Variants in EPHB2 observed in about 807,000 individuals in gnomAD.
The protein encoded by EPHB2 is ephrin type-B receptor 2.
EPHB2 carries 18 observed loss-of-function variants against 96.4 expected under a neutral mutation model. That is an observed-to-expected ratio of 0.19 (90% CI 0.13 to 0.28). The LOEUF (loss-of-function observed/expected upper bound fraction) is 0.28. EPHB2 is among the 10% of genes least tolerant of loss of function. The probability of loss-of-function intolerance (pLI) is 1.00; values close to 1 mark genes in which losing one functional copy is unlikely to be tolerated. For synonymous variants in EPHB2, 506 were observed against 534.1 expected (o/e 0.95, Z 0.72); for missense variants, 989 against 1,355.4 (o/e 0.73, Z 4.25).
chr1:22,723,319 A>T (rs1643510688), intron 1 of EPHB2, among the ~76,000 whole-genome samples: 1 of 152,246 alleles, frequency 6.6e-6, no homozygotes, highest in Non-Finnish European at 1.5e-5. Flanking sequence ...ACGAAAGGCC[A>T]TGGCCCAGGG....
Position 22,824,871 on chromosome 1 carries a change from G to C in EPHB2, c.812-38166G>C, listed in dbSNP as rs575852894. The stretch of plus-strand genomic sequence containing the variant: ...GGCACCTGTGGCCAGGGCAGGGTGG[G>C]TTGGCCAGTGCCAGGTTCCCAGGGG... On this transcript the variant is annotated intron_variant, in intron 3 of 15. Coordinates refer to ENST00000374630, the MANE Select transcript of EPHB2 (RefSeq NM_017449.5). Among the ~76,000 whole-genome samples the C allele has an allele frequency of 4.3e-3, 662 of 152,346 alleles. 4 individuals carry two copies. Among genetic ancestry groups the C allele is most frequent in the African/African-American group, 0.015 (625 of 41,588 alleles).
At chr1:22,774,423 T>G in intron 1 of EPHB2, 1 of 254,870 alleles carries the variant, frequency 3.9e-6, no homozygotes, top group Non-Finnish European at 6.1e-6. Context: ...GCAGGAGGAG[T>G]CAGGACAGCT....
intron 1 of EPHB2, among the ~76,000 whole-genome samples, chr1:22,711,841 C>A (rs1643157330): frequency 6.6e-6 from 1 of 152,194 alleles, no homozygotes; most frequent in Non-Finnish European, 1.5e-5. Flanking sequence ...GGGCCCTCTC[C>A]CCGTGGCCTC....
At chr1:22,759,747 G>A (rs1299613555) in intron 1 of EPHB2, among the ~76,000 whole-genome samples, 3 of 152,056 alleles carry the variant, frequency 2.0e-5, no homozygotes, top group Non-Finnish European at 4.4e-5. Context: ...CCTTGAGTTC[G>A]GTGACACACT....
rs189000677 is a variant in EPHB2, at chr1:22,744,771, G to C, written c.61+33728G>C. ...TTTGGGAGGCAGAGACAGGAGGATCGCTTGAGGCCAGTTCAAGGCTGCAGT... is the reference window on the plus strand; with the variant it reads ...TTTGGGAGGCAGAGACAGGAGGATCCCTTGAGGCCAGTTCAAGGCTGCAGT... On this transcript the variant is annotated intron_variant, in intron 1 of 15. Coordinates refer to ENST00000374630, the MANE Select transcript of EPHB2 (RefSeq NM_017449.5). 4.0e-5 allele frequency among the ~76,000 whole-genome samples: 6 copies of C among 151,040 alleles called. No individual in the cohort carries two copies. In the East Asian group the frequency reaches 1.2e-3, roughly 29 times the overall value.
intron 6 of EPHB2, among the ~76,000 whole-genome samples, chr1:22,888,093 C>T (rs1639283596): frequency 6.6e-6 from 1 of 152,130 alleles, no homozygotes; most frequent in Admixed American, 6.5e-5. Context: ...GTTGCCCAGG[C>T]TGGAGTGTCA....
chr1:22,800,220 C>T (rs1025851332), intron 3 of EPHB2: 1 of 152,324 alleles, frequency 6.6e-6, no homozygotes, highest in African/African-American at 2.4e-5. Flanking sequence ...TTTGTGTGCC[C>T]ATACGTGCAC....
At chr1:22,826,157 A>G (rs1007467560) in intron 3 of EPHB2, among the ~76,000 whole-genome samples, 4 of 152,202 alleles carry the variant, frequency 2.6e-5, no homozygotes, top group East Asian at 3.9e-4. Flanking sequence ...GTGAGGAAGC[A>G]GGAGGCAGGG....
chr1:22,760,074 A>G (rs1644213652), intron 1 of EPHB2, among the ~76,000 whole-genome samples: 1 of 152,192 alleles, frequency 6.6e-6, no homozygotes, highest in Non-Finnish European at 1.5e-5. Flanking sequence ...TCAGATGGAT[A>G]ACACAAGTCA....
intron 1 of EPHB2, chr1:22,774,408 C>A (rs1463471314): frequency 5.1e-6 from 1 of 197,914 alleles, no homozygotes; most frequent in Non-Finnish European, 9.1e-6. Flanking sequence ...CTTAACCCAG[C>A]CAGAGCAGGA....
intron 1 of EPHB2, among the ~76,000 whole-genome samples, chr1:22,776,946 A>T (rs941064261): frequency 6.6e-6 from 1 of 152,216 alleles, no homozygotes; most frequent in African/African-American, 2.4e-5. Flanking sequence ...ACCACCTCTC[A>T]GGGGACCACA....
In EPHB2 at chr1:22,721,387, C is replaced by CTT. The variant is rs1276702328; in HGVS notation, c.61+10344_61+10345insTT. On this transcript the variant is annotated intron_variant, in intron 1 of 15. Coordinates refer to ENST00000374630, the MANE Select transcript of EPHB2 (RefSeq NM_017449.5). ...TGGCAGACCAGGAAATCTGGCCTAACGTAATACCGGGAATAAATCACAAGA... is the reference window on the plus strand; with the variant it reads ...TGGCAGACCAGGAAATCTGGCCTAACTTGTAATACCGGGAATAAATCACAAGA... Among the ~76,000 whole-genome samples the CTT allele has an allele frequency of 2.6e-5, 4 of 152,260 alleles. No individual in the cohort carries two copies. In the East Asian group the frequency reaches 7.7e-4, roughly 29 times the overall value.
intron 1 of EPHB2, among the ~76,000 whole-genome samples, chr1:22,749,795 G>T (rs912793782): frequency 5.3e-5 from 8 of 152,308 alleles, no homozygotes; most frequent in Middle Eastern, 3.4e-3. Context: ...TATACTGGGG[G>T]CTGAAGATAC....
intron 3 of EPHB2, among the ~76,000 whole-genome samples, chr1:22,788,753 G>GTTTTTTTTTTTTT (rs66554696): frequency 7.5e-6 from 1 of 134,160 alleles, no homozygotes; most frequent in Admixed American, 7.3e-5. Flanking sequence ...TTTTGTTTTT[G>GTTTTTTTTTTTTT]TTTTTTTTTT....
chr1:22,763,885 C>T (rs1374943848), intron 1 of EPHB2, among the ~76,000 whole-genome samples: 1 of 152,130 alleles, frequency 6.6e-6, no homozygotes, highest in East Asian at 1.9e-4. Context: ...ACCTGCATCC[C>T]AGAGCTTGTG....
At chr1:22,899,331 A>AAT (rs1639674658) in intron 9 of EPHB2, among the ~76,000 whole-genome samples, 1 of 150,116 alleles carries the variant, frequency 6.7e-6, no homozygotes, top group East Asian at 2.0e-4. Flanking sequence ...GTGAAACCCC[A>AAT]TCTCTACTAA....
chr1:22,782,919 C>T (rs1284752794), intron 2 of EPHB2, among the ~76,000 whole-genome samples: 2 of 152,208 alleles, frequency 1.3e-5, no homozygotes, highest in African/African-American at 2.4e-5. Flanking sequence ...AGCCCCTGCT[C>T]CACACGCACA....
chr1:22,843,455 A>T (rs1645497447), intron 3 of EPHB2, among the ~76,000 whole-genome samples: 1 of 152,180 alleles, frequency 6.6e-6, no homozygotes, highest in African/African-American at 2.4e-5. Context: ...GGTGATAAGC[A>T]TAGTACCCAA....
At chr1:22,829,341 T>A (rs1444075155) in intron 3 of EPHB2, among the ~76,000 whole-genome samples, 1 of 152,220 alleles carries the variant, frequency 6.6e-6, no homozygotes, top group Non-Finnish European at 1.5e-5. Flanking sequence ...GTCTCTCCTT[T>A]TGTTAATGTG....
Sources: allele counts gnomAD v4.1 joint callset (sites outside exome capture counted in the v4.1 genomes callset), GRCh38; gene constraint gnomAD v4.1.1; transcripts MANE v1.5; gene names NCBI Gene and HGNC (gene_info 2026-07-23, HGNC 2026-07-21).